The following CDH17 variants were observed in gnomAD, a reference collection of about 807,000 sequenced individuals.
CDH17 encodes the protein cadherin 17.
In CDH17, 67 loss-of-function variants were observed where a neutral mutation model predicts 86.3. The ratio of observed to expected loss-of-function variants is 0.78; its 90% CI spans 0.64 to 0.95. CDH17 has a LOEUF of 0.95. Among genes scored for constraint, CDH17 ranks in the 40% least tolerant of loss-of-function variants. The pLI is 0.00. For synonymous variants in CDH17, 367 were observed against 366.4 expected (o/e 1.00, Z -0.02); for missense variants, 993 against 1,017.6 (o/e 0.98, Z 0.33).
intron 7 of CDH17, 99 bp from the exon 8 acceptor site, chr8:94,171,084 C>A (rs769590133): frequency 1.6e-6 from 2 of 1,246,966 alleles, no homozygotes; most frequent in East Asian, 2.5e-5. Flanking sequence ...TCTCTGACAA[C>A]CTTGTATGTT....
intron 14 of CDH17, among the ~76,000 whole-genome samples, chr8:94,146,626 A>C (rs1056518446): frequency 6.6e-6 from 1 of 152,376 alleles, no homozygotes; most frequent in Middle Eastern, 3.4e-3. Context: ...ATTATTTACT[A>C]TATGATAGGA....
At chr8:94,175,622 C>T (rs895712172) in intron 5 of CDH17, among the ~76,000 whole-genome samples, 2 of 152,078 alleles carry the variant, frequency 1.3e-5, no homozygotes, top group Admixed American at 6.5e-5. Flanking sequence ...ATGCTCCTTC[C>T]TAGGTGCCTG....
At chr8:94,149,065 TATCTC>T (rs1306845613) in intron 13 of CDH17, among the ~76,000 whole-genome samples, 191 bp from the exon 14 acceptor site, 1 of 152,174 alleles carries the variant, frequency 6.6e-6, no homozygotes, top group African/African-American at 2.4e-5. Flanking sequence ...AAGGATCTAT[TATCTC>T]ATATTATTAA....
Position 94,174,122 on chromosome 8 carries a change from G to A in CDH17, c.563C>T (p.Ala188Val), listed in dbSNP as rs1383237284. The change falls in exon 6 of 18, where the codon GCC (alanine) becomes GTC (valine). Residue 188 changes from alanine (A) to valine (V), a missense_variant. Physicochemically the swap from Ala to Val is moderately conservative, Grantham distance 64. Transcript: ENST00000027335. ...CTTACCCTCTCGGGTAAGAGAGATG[G>A]CTCCCGTTTTGTTGTTGATCTGAAA... is the stretch of plus-strand genomic sequence containing the variant. ...MYFQINNKTG[A>V]ISLTREGSQE... The A allele has an allele frequency of 2.5e-6, 4 of 1,613,568 alleles. No homozygotes were observed. In the Middle Eastern group the frequency reaches 5.0e-4, roughly 200 times the overall value.
Position 94,173,815 on chromosome 8 carries a change from G to T in CDH17, c.765C>A (p.His255Gln), listed in dbSNP as rs753795665. ...VEMVENSTDP[H>Q]PIKITQVRWN... The stretch of plus-strand genomic sequence containing the variant: ...GTACTACCTGAGTGATTTTGATGGG[G>T]TGAGGATCAGTTGAGTTTTCCACCA... The change falls in exon 7 of 18, where the codon CAC becomes CAA. Residue 255 changes from histidine to glutamine, a missense_variant. Transcript: ENST00000027335. The T allele has an allele frequency of 1.3e-5, 21 of 1,613,584 alleles. No homozygotes were observed. The highest frequency in any genetic ancestry group is 1.8e-5 in the Non-Finnish European group (21 of 1,179,788).
intron 13 of CDH17, among the ~76,000 whole-genome samples, chr8:94,150,080 G>A (rs763380101): frequency 3.3e-5 from 5 of 152,170 alleles, no homozygotes; most frequent in Non-Finnish European, 5.9e-5. Flanking sequence ...AAAGTATGAT[G>A]TGTTAATTTC....
At chr8:94,139,399 T>C (rs984209538) in intron 15 of CDH17, among the ~76,000 whole-genome samples, 4 of 152,190 alleles carry the variant, frequency 2.6e-5, no homozygotes, top group African/African-American at 9.7e-5. Flanking sequence ...GAAAAACATT[T>C]TTGATAAGAC....
At chr8:94,191,832 T>C (rs1340101241) in intron 2 of CDH17, among the ~76,000 whole-genome samples, 1 of 152,168 alleles carries the variant, frequency 6.6e-6, no homozygotes, top group Non-Finnish European at 1.5e-5. Flanking sequence ...TTATCTTCCT[T>C]TGGGAGGTCT....
rs1487727185 is a variant in CDH17 at position 94,176,685 on chromosome 8, G to A, written c.286-6C>T. 3 of 1,608,466 alleles carry A rather than the reference G, an allele frequency of 1.9e-6. No individual in the cohort carries two copies. Among genetic ancestry groups the A allele is most frequent in the Non-Finnish European group, 2.5e-6 (3 of 1,177,976 alleles). On this transcript the variant is annotated splice_polypyrimidine_tract_variant and splice_region_variant and intron_variant, in intron 4 of 17. Coordinates refer to ENST00000027335, the MANE Select transcript of CDH17 (RefSeq NM_004063.4). ...TTAGCGTCCAGGGCTGCAACCTGAT[G>A]TTGAGGAAAAGGAAACCATGTTGGT...
At chr8:94,183,104 A>T (rs986442572) in intron 3 of CDH17, among the ~76,000 whole-genome samples, 2 of 152,140 alleles carry the variant, frequency 1.3e-5, no homozygotes, top group African/African-American at 2.4e-5. Flanking sequence ...AAGAAATTAA[A>T]CAAGTTCTAA....
At chr8:94,210,110 G>A (rs1416078263), upstream of CDH17, among the ~76,000 whole-genome samples, 7 of 150,356 alleles carry the variant, frequency 4.7e-5, no homozygotes, top group Non-Finnish European at 8.8e-5. Context: ...TCTTGTCTAA[G>A]TCACACAGCC....
intron 5 of CDH17, among the ~76,000 whole-genome samples, chr8:94,175,660 CCTTAATGAAGGG>C (rs1307025320): frequency 2.6e-5 from 4 of 151,880 alleles, no homozygotes; most frequent in East Asian, 1.9e-4. Flanking sequence ...TTAATGAAGG[CCTTAATGAAGGG>C]CTTAATGAAG....
At position 94,162,522 on chromosome 8, in the gene CDH17, G is replaced by A. The variant is rs568904998; in HGVS notation, c.1283-360C>T. On this transcript the variant is annotated intron_variant, in intron 10 of 17. Coordinates refer to ENST00000027335, the MANE Select transcript of CDH17 (RefSeq NM_004063.4). ...ACTTATGTAATCTTCAAAGTCCAGA[G>A]CAAAACTGTCCTTCCAGAAAGCCTT... Among the ~76,000 whole-genome samples the A allele has an allele frequency of 2.6e-5, 4 of 152,332 alleles. No homozygotes were observed. The South Asian group carries it at 6.2e-4, about 24-fold the overall frequency.
chr8:94,179,247 C>T (rs1037784034), intron 3 of CDH17, among the ~76,000 whole-genome samples: 5 of 152,124 alleles, frequency 3.3e-5, no homozygotes, highest in African/African-American at 1.2e-4. Context: ...TCCCTGGGAA[C>T]ATCTACTTAC....
chr8:94,138,916 G>T (rs1812583372), intron 15 of CDH17, among the ~76,000 whole-genome samples: 2 of 152,040 alleles, frequency 1.3e-5, no homozygotes. Context: ...TAAAGTTCAA[G>T]AATATTTATG....
At chr8:94,215,758 A>G (rs912590944) in intron 1 of CDH17, among the ~76,000 whole-genome samples, 1 of 152,206 alleles carries the variant, frequency 6.6e-6, no homozygotes, top group Non-Finnish European at 1.5e-5. Flanking sequence ...AACATAGGCT[A>G]AACATTTTCA....
At chr8:94,207,080 T>C (rs923237729) in intron 1 of CDH17, among the ~76,000 whole-genome samples, 1 of 152,198 alleles carries the variant, frequency 6.6e-6, no homozygotes, top group African/African-American at 2.4e-5. Context: ...CAAAGACTTA[T>C]ATGGGAACCA....
intron 1 of CDH17, among the ~76,000 whole-genome samples, chr8:94,213,652 A>G (rs1814155114): frequency 6.6e-6 from 1 of 152,130 alleles, no homozygotes; most frequent in Non-Finnish European, 1.5e-5. Flanking sequence ...TTTTGCTCCC[A>G]TCCAGCTCAT....
At chr8:94,190,025 G>A (rs1433618017) in intron 2 of CDH17, among the ~76,000 whole-genome samples, 1 of 152,252 alleles carries the variant, frequency 6.6e-6, no homozygotes, top group Non-Finnish European at 1.5e-5. Flanking sequence ...AGTCAAGACT[G>A]GAGTAGTAGT....
Sources: gnomAD v4.1 joint callset for allele counts (sites outside exome capture counted in the v4.1 genomes callset) on GRCh38, gnomAD v4.1.1 for gene constraint, MANE v1.5 for transcripts, NCBI Gene and HGNC (gene_info 2026-07-23, HGNC 2026-07-21) for gene names.